Variants in NDST1 observed in about 807,000 individuals in gnomAD.
NDST1 encodes the protein bifunctional heparan sulfate N-deacetylase/N-sulfotransferase 1.
In NDST1, 35 loss-of-function variants were observed where a neutral mutation model predicts 92.8. The ratio of observed to expected loss-of-function variants is 0.38; its 90% CI spans 0.29 to 0.50. The LOEUF (loss-of-function observed/expected upper bound fraction) is 0.50. Ranked by LOEUF, NDST1 falls within the 20% of genes least tolerant of loss-of-function variation. The pLI is 0.94. For synonymous variants in NDST1, 493 were observed against 500.3 expected (o/e 0.99, Z 0.19); for missense variants, 822 against 1,182.7 (o/e 0.69, Z 4.47).
intron 1 of NDST1, among the ~76,000 whole-genome samples, chr5:150,508,781 A>G (rs528990127): frequency 6.6e-6 from 1 of 151,896 alleles, no homozygotes; most frequent in East Asian, 1.9e-4. Context: ...AGTCACAACC[A>G]CTCTGAATTT....
At chr5:150,504,009 G>A (rs1452245669), upstream of NDST1, among the ~76,000 whole-genome samples, 2 of 152,182 alleles carry the variant, frequency 1.3e-5, no homozygotes, top group Non-Finnish European at 1.5e-5. Context: ...GAGTGACCTC[G>A]GTTTCTGGTC....
chr5:150,511,049 A>G (rs1404222803), intron 1 of NDST1, among the ~76,000 whole-genome samples: 1 of 152,122 alleles, frequency 6.6e-6, no homozygotes, highest in Non-Finnish European at 1.5e-5. Context: ...TCACCCCCTT[A>G]TTAGCTCTGT....
At position 150,556,118 on chromosome 5, in the gene NDST1, A is replaced by G. The variant is rs11542921; in HGVS notation, c.*2786A>G. On this transcript the variant is annotated 3_prime_UTR_variant, in exon 15 of 15. Transcript: ENST00000261797. ...GAGTGGGCCAGCGAGGCCAGTCTTC[A>G]ATGTCCACTAATTCACTCTAAGCAT... The G allele has an allele frequency of 0.31, 46,699 of 152,088 alleles. 8,738 individuals carry two copies. Among genetic ancestry groups the G allele is most frequent in the Non-Finnish European group, 0.41 (27,544 of 67,974 alleles). The allele number at this position is 152,088 out of a possible 1,614,324, so 9.4% of individuals were successfully genotyped here.
chr5:150,513,858 A>T (rs572246281), intron 1 of NDST1, among the ~76,000 whole-genome samples: 1 of 152,196 alleles, frequency 6.6e-6, no homozygotes, highest in South Asian at 2.1e-4. Context: ...TCAGGTGGGG[A>T]TGTTAGATAG....
At chr5:150,544,776 C>T (rs892428358) in intron 10 of NDST1, among the ~76,000 whole-genome samples, 2 of 152,218 alleles carry the variant, frequency 1.3e-5, no homozygotes, top group African/African-American at 4.8e-5. Context: ...TCACCCACAG[C>T]AGGCTGGGGA....
intron 9 of NDST1, 83 bp from the exon 10 acceptor site, chr5:150,542,765 G>A (rs575593924): frequency 3.9e-5 from 61 of 1,576,250 alleles, no homozygotes; most frequent in South Asian, 1.7e-4. Context: ...CCAGTGGGTC[G>A]TGGGGAGCTA....
At chr5:150,547,623 T>A (rs927173543) in intron 11 of NDST1, among the ~76,000 whole-genome samples, 1 of 152,234 alleles carries the variant, frequency 6.6e-6, no homozygotes, top group Non-Finnish European at 1.5e-5. Flanking sequence ...CAACCTCTGC[T>A]TTCAACAAAG....
Position 150,554,587 on chromosome 5 carries a change from T to A in NDST1, c.*1255T>A, listed in dbSNP as rs1353933815. On this transcript the variant is annotated 3_prime_UTR_variant, in exon 15 of 15. Coordinates refer to ENST00000261797, the MANE Select transcript of NDST1 (RefSeq NM_001543.5). ...GGCTACCCCAGGTGAACAGAGGTGG[T>A]GAGATGCGCAGGGAAGACCAGCTCT... is the stretch of plus-strand genomic sequence containing the variant. 6.6e-6 allele frequency: 1 copy of A among 152,464 alleles called. No individual in the cohort carries two copies. The highest frequency in any genetic ancestry group is 2.4e-5 in the African/African-American group (1 of 41,380). 9.4% of individuals were successfully genotyped at this position (152,464 alleles called of 1,614,324 possible). A position where few individuals can be genotyped will look rare whatever the true frequency, so the allele number is the denominator to read the frequency against.
intron 1 of NDST1, among the ~76,000 whole-genome samples, chr5:150,498,393 A>G (rs1180791788): frequency 6.6e-6 from 1 of 152,208 alleles, no homozygotes; most frequent in Non-Finnish European, 1.5e-5. Flanking sequence ...TGCTGTTGGT[A>G]GTTCTAGCTC....
At chr5:150,500,802 C>T (rs137970112) in intron 1 of NDST1, among the ~76,000 whole-genome samples, 12 of 152,324 alleles carry the variant, frequency 7.9e-5, no homozygotes, top group Admixed American at 2.6e-4. Flanking sequence ...CATTTACAGC[C>T]GGGTAAACTG....
At chr5:150,539,414 G>T (rs1755142239) in intron 7 of NDST1, 58 bp downstream of exon 7, 2 of 1,611,722 alleles carry the variant, frequency 1.2e-6, no homozygotes, top group African/African-American at 2.7e-5. Flanking sequence ...CAGCCTGTCT[G>T]CAGCTGACAC....
chr5:150,552,015 C>T (rs1369307618), intron 14 of NDST1, 160 bp downstream of exon 14: 1 of 753,862 alleles, frequency 1.3e-6, no homozygotes, highest in Non-Finnish European at 1.6e-6. Context: ...GGGGCTGGGA[C>T]ATGGTGGGTC....
chr5:150,541,812 A>G (rs1464735738), intron 9 of NDST1, 146 bp downstream of exon 9: 6 of 769,516 alleles, frequency 7.8e-6, no homozygotes, highest in African/African-American at 3.4e-5. Context: ...GGTGAACACA[A>G]ATTGCCTGTC....
intron 11 of NDST1, among the ~76,000 whole-genome samples, chr5:150,545,991 CTTTTTTTTTTT>C (rs34937690): frequency 7.2e-5 from 6 of 83,690 alleles, no homozygotes; most frequent in African/African-American, 2.3e-4. Context: ...CCAGAGCTGT[CTTTTTTTTTTT>C]TTTTTTTTTT....
In NDST1 at chr5:150,530,214, TGCTGCTTTGC is replaced by T. The variant is rs1400602021; in HGVS notation, c.1008+1925_1008+1934del. Among the ~76,000 whole-genome samples the T allele has an allele frequency of 8.5e-5, 13 of 152,356 alleles. No homozygotes were observed. The East Asian group carries it at 1.3e-3, about 16-fold the overall frequency. ...GGCTCCACCTTAGTTGCTCCAGCGG[TGCTGCTTTGC>T]GCTGCTTTTACGCATTGTGTTTCCT... On this transcript the variant is annotated intron_variant, in intron 3 of 14. Transcript: ENST00000261797.
At chr5:150,511,545 A>G (rs370936977) in intron 1 of NDST1, among the ~76,000 whole-genome samples, 20 of 152,316 alleles carry the variant, frequency 1.3e-4, no homozygotes, top group East Asian at 7.7e-4. Context: ...AGACGGCACA[A>G]GCCAGGAGGT....
intron 1 of NDST1, among the ~76,000 whole-genome samples, chr5:150,520,616 C>A (rs998147469): frequency 1.3e-5 from 2 of 152,148 alleles, no homozygotes; most frequent in Admixed American, 1.3e-4. Context: ...TGCTTTAAGT[C>A]GTTTACAAAC....
In NDST1 at chr5:150,547,572, T is replaced by C. The variant is rs536241419; in HGVS notation, c.2146-646T>C. ...TCTGATTTCCATAAAGGAGAAATGC[T>C]CACTTTAGTGCAAGTGGTCTTACGT... On this transcript the variant is annotated intron_variant, in intron 11 of 14. Coordinates refer to ENST00000261797, the MANE Select transcript of NDST1 (RefSeq NM_001543.5). Among the ~76,000 whole-genome samples, 7 of 152,370 alleles carry C rather than the reference T, an allele frequency of 4.6e-5. No individual in the cohort carries two copies. In the South Asian group the frequency reaches 1.0e-3, roughly 23 times the overall value.
At chr5:150,546,462 G>T (rs1312802172) in intron 11 of NDST1, among the ~76,000 whole-genome samples, 1 of 152,232 alleles carries the variant, frequency 6.6e-6, no homozygotes, top group African/African-American at 2.4e-5. Context: ...CTGTGATTCA[G>T]AAGTGGCGCC....
Sources: gnomAD v4.1 joint callset for allele counts (sites outside exome capture counted in the v4.1 genomes callset) on GRCh38, gnomAD v4.1.1 for gene constraint, MANE v1.5 for transcripts, NCBI Gene and HGNC (gene_info 2026-07-23, HGNC 2026-07-21) for gene names.